The following USP13 variants were observed in gnomAD, a reference collection of about 807,000 sequenced individuals.
USP13 encodes the protein ubiquitin specific peptidase 13, also known as ubiquitin carboxyl-terminal hydrolase 13.
Under a neutral mutation model 107.8 loss-of-function variants are expected in USP13, and 68 were observed. The observed-to-expected ratio is 0.63, with a 90% CI of 0.52 to 0.77. The LOEUF (loss-of-function observed/expected upper bound fraction) is 0.77. Ranked by LOEUF, USP13 falls within the 30% of genes least tolerant of loss-of-function variation. USP13 has a pLI of 0.00. For missense variants in USP13, 945 were observed against 1,093.3 expected (o/e 0.86, Z 1.91); for synonymous variants, 377 against 389.5 (o/e 0.97, Z 0.38).
Position 179,752,318 on chromosome 3 carries a change from G to T in USP13, c.1743G>T (p.Leu581Phe). The T allele has an allele frequency of 6.2e-7, 1 of 1,614,054 alleles. No individual in the cohort carries two copies. The highest frequency in any genetic ancestry group is 8.5e-7 in the Non-Finnish European group (1 of 1,179,992). ...TSRFASFPEY[L>F]VVQIKKFTFG... ...GCTTTGCTTCATTCCCTGAATACTT[G>T]GTAGTGCAGATAAAGAAGTTCACTT... The change falls in exon 14 of 21, where the codon TTG becomes TTT. Residue 581 changes from leucine to phenylalanine, a missense_variant. Physicochemically the swap from Leu to Phe is conservative, Grantham distance 22. Coordinates refer to ENST00000263966, the MANE Select transcript of USP13 (RefSeq NM_003940.3).
chr3:179,660,735 A>C (rs1720434109), intron 1 of USP13, among the ~76,000 whole-genome samples: 1 of 152,256 alleles, frequency 6.6e-6, no homozygotes, highest in African/African-American at 2.4e-5. Context: ...ATCTCTGTGG[A>C]AAACTCTTCC....
At chr3:179,682,392 T>G (rs1413418604) in intron 2 of USP13, among the ~76,000 whole-genome samples, 1 of 146,980 alleles carries the variant, frequency 6.8e-6, no homozygotes, top group African/African-American at 2.5e-5. Context: ...AGAGCTTCCT[T>G]AAAAATTCAA....
At chr3:179,696,739 G>A (rs905202769) in intron 3 of USP13, among the ~76,000 whole-genome samples, 2 of 152,100 alleles carry the variant, frequency 1.3e-5, no homozygotes, top group African/African-American at 2.4e-5. Context: ...AGGTTGTGTT[G>A]TAGAAAGATA....
At chr3:179,684,228 G>A (rs557578475) in intron 2 of USP13, among the ~76,000 whole-genome samples, 6 of 148,394 alleles carry the variant, frequency 4.0e-5, no homozygotes, top group African/African-American at 1.5e-4. Flanking sequence ...CAAAGTGCTG[G>A]GATTACAGGT....
chr3:179,662,512 C>T (rs1056786063), intron 1 of USP13, among the ~76,000 whole-genome samples: 15 of 152,134 alleles, frequency 9.9e-5, no homozygotes, highest in African/African-American at 3.6e-4. Context: ...CATTTACCTG[C>T]CGTCCAGCTT....
At chr3:179,674,704 A>G (rs1247686041) in intron 1 of USP13, among the ~76,000 whole-genome samples, 8 of 151,972 alleles carry the variant, frequency 5.3e-5, no homozygotes, top group Admixed American at 5.2e-4. Flanking sequence ...GCTCTCTAGA[A>G]AGGCTGAGCC....
At chr3:179,770,699 G>C (rs1715318140) in intron 19 of USP13, among the ~76,000 whole-genome samples, 1 of 151,762 alleles carries the variant, frequency 6.6e-6, no homozygotes, top group South Asian at 2.1e-4. Context: ...CCAACTCCCT[G>C]GTTCAAGCTA....
chr3:179,755,050 G>C (rs548578641), intron 15 of USP13, among the ~76,000 whole-genome samples, 196 bp downstream of exon 15: 36 of 152,230 alleles, frequency 2.4e-4, no homozygotes, highest in African/African-American at 8.7e-4. Context: ...CATTGTAAGA[G>C]GCACAGACCC....
chr3:179,767,432 T>G (rs917649753), intron 19 of USP13, among the ~76,000 whole-genome samples: 5 of 151,630 alleles, frequency 3.3e-5, no homozygotes, highest in African/African-American at 1.2e-4. Flanking sequence ...TTTTTGGTTT[T>G]TTTTTTTTTT....
At chr3:179,734,460 A>G (rs968083305) in intron 10 of USP13, among the ~76,000 whole-genome samples, 28 of 152,242 alleles carry the variant, frequency 1.8e-4, no homozygotes, top group Admixed American at 6.5e-4. Context: ...TGCATTTCTT[A>G]AGCGACAATT....
chr3:179,757,301 G>C (rs1254123072), intron 16 of USP13, among the ~76,000 whole-genome samples: 1 of 152,168 alleles, frequency 6.6e-6, no homozygotes, highest in Admixed American at 6.5e-5. Context: ...CCCTGGGTCA[G>C]AATCTTGGCC....
At chr3:179,702,982 TA>T (rs903857970) in intron 4 of USP13, among the ~76,000 whole-genome samples, 1 of 152,130 alleles carries the variant, frequency 6.6e-6, no homozygotes, top group African/African-American at 2.4e-5. Context: ...GTCTTTATGT[TA>T]AAAAAATTAA....
At chr3:179,690,086 G>T (rs1347540045) in intron 2 of USP13, among the ~76,000 whole-genome samples, 155 bp from the exon 3 acceptor site, 2 of 152,130 alleles carry the variant, frequency 1.3e-5, no homozygotes, top group African/African-American at 2.4e-5. Context: ...GCATTAACCT[G>T]GGTCAGTTCC....
intron 11 of USP13, among the ~76,000 whole-genome samples, 190 bp downstream of exon 11, chr3:179,740,562 C>T (rs1323159252): frequency 3.3e-5 from 5 of 152,326 alleles, no homozygotes; most frequent in East Asian, 3.9e-4. Flanking sequence ...GCTCTTCACA[C>T]TCCAGTTTCC....
chr3:179,660,283 T>A (rs1720419717), intron 1 of USP13, among the ~76,000 whole-genome samples: 1 of 152,198 alleles, frequency 6.6e-6, no homozygotes, highest in African/African-American at 2.4e-5. Context: ...AAACCCCCAC[T>A]TCTCCCTTCT....
intron 1 of USP13, among the ~76,000 whole-genome samples, chr3:179,660,425 A>C (rs1720424637): frequency 6.6e-6 from 1 of 152,238 alleles, no homozygotes; most frequent in African/African-American, 2.4e-5. Context: ...TAATGTTATC[A>C]AGGTTCAGTG....
intron 19 of USP13, among the ~76,000 whole-genome samples, chr3:179,774,518 GAGTTGT>G (rs1260935979): frequency 6.6e-6 from 1 of 151,684 alleles, no homozygotes; most frequent in Non-Finnish European, 1.5e-5. Context: ...AGCACGTCTG[GAGTTGT>G]TCGTTCCTCC....
chr3:179,730,331 T>G, intron 9 of USP13, 71 bp downstream of exon 9: 20 of 1,471,042 alleles, frequency 1.4e-5, no homozygotes, highest in Non-Finnish European at 1.5e-5. Flanking sequence ...TGGATATCTC[T>G]GGGTTGCAAA....
In USP13 at chr3:179,653,441, C is replaced by G. The variant is rs1361601830; in HGVS notation, c.168+48C>G. On this transcript the variant is annotated intron_variant, in intron 1 of 20. Transcript: ENST00000263966. The surrounding 1 kb of genome is among the most constrained non-coding windows in gnomAD (Gnocchi z 4.0). ...GGGTCGCGGGGCCGGCGGCCTGCGG[C>G]ACGTGAAGCCGGGGGAGAAGATGCG... 2.6e-6 allele frequency: 4 copies of G among 1,530,884 alleles called. No individual in the cohort carries two copies. The highest frequency in any genetic ancestry group is 3.5e-6 in the Non-Finnish European group (4 of 1,135,176). 94.8% of individuals were successfully genotyped at this position (1,530,884 alleles called of 1,614,324 possible).
Sources: gnomAD v4.1 joint callset for allele counts (sites outside exome capture counted in the v4.1 genomes callset) on GRCh38, gnomAD v4.1.1 for gene constraint, Gnocchi (gnomAD v3.1) non-coding constraint, MANE v1.5 for transcripts, NCBI Gene and HGNC (gene_info 2026-07-23, HGNC 2026-07-21) for gene names.